ITGA5: variants seen among roughly 807,000 people sequenced by gnomAD.
ITGA5 encodes integrin alpha-5.
In ITGA5, 55 loss-of-function variants were observed where a neutral mutation model predicts 146.3. The observed-to-expected ratio is 0.38, with a 90% CI of 0.30 to 0.47. The LOEUF is 0.47. Ranked by LOEUF, ITGA5 falls within the 20% of genes least tolerant of loss-of-function variation. The pLI is 0.99. For missense variants in ITGA5, 1,131 were observed against 1,329.0 expected (o/e 0.85, Z 2.32); for synonymous variants, 500 against 531.8 (o/e 0.94, Z 0.82).
chr12:54,406,421 C>T (rs1053053506), intron 9 of ITGA5, among the ~76,000 whole-genome samples: 3 of 152,174 alleles, frequency 2.0e-5, no homozygotes, highest in Non-Finnish European at 4.4e-5. Context: ...CCCCACCAGG[C>T]CTCTTGAATC....
rs1313527376 is a variant in ITGA5 at position 54,404,755 on chromosome 12, G to T, written c.1365C>A (p.Phe455Leu). Reference sequence around the variant, plus strand: ...GGCCTCCTCGAAGGGCAGAGCCAAAGAAGTCTGGGGTGTGGCTGGCTGCCC... The same window carrying T: ...GGCCTCCTCGAAGGGCAGAGCCAAATAAGTCTGGGGTGTGGCTGGCTGCCC... ...PLWAASHTPD[F>L]FGSALRGGRD... Residue 455 changes from phenylalanine to leucine, a missense_variant, in exon 13 of 30, where the codon TTC (phenylalanine) becomes TTA (leucine). By Grantham distance (22) the Phe-to-Leu change is conservative. Transcript: ENST00000293379. 3 of 1,614,174 alleles carry T rather than the reference G, an allele frequency of 1.9e-6. No individual in the cohort carries two copies. Among genetic ancestry groups the T allele is most frequent in the Non-Finnish European group, 2.5e-6 (3 of 1,180,014 alleles).
In ITGA5 at chr12:54,404,197, T is replaced by C. The variant is rs144338335; in HGVS notation, c.1513A>G (p.Met505Val). 3.1e-6 allele frequency: 5 copies of C among 1,602,172 alleles called. No individual in the cohort carries two copies. The African/African-American group carries it at 4.0e-5, about 13-fold the overall frequency. Residue 505 changes from methionine (M) to valine (V), a missense_variant, in exon 15 of 30, where the codon ATG becomes GTG. Met to Val is a conservative substitution (Grantham distance 21). Around this residue, in one of 3 missense-constraint regions of ITGA5, gnomAD observed 889 missense variants for 1,021.5 expected, o/e 0.87. Coordinates refer to ENST00000293379, the MANE Select transcript of ITGA5 (RefSeq NM_002205.5). The stretch of plus-strand genomic sequence containing the variant: ...CAGCTCCGCTCCTCTGGGTTGAACA[T>C]GGCGGGGAAGATGGTGAGGGAGGCA... ...ASASLTIFPA[M>V]FNPEERSCSL... is the part of the protein sequence containing the mutation.
At chr12:54,405,604 C>T in intron 11 of ITGA5, 60 bp downstream of exon 11, 2 of 1,444,066 alleles carry the variant, frequency 1.4e-6, no homozygotes, top group Admixed American at 1.8e-5. Flanking sequence ...CTGTCCCATT[C>T]CCACTCTTCC....
intron 2 of ITGA5, among the ~76,000 whole-genome samples, chr12:54,410,432 AC>A (rs1231824772): frequency 5.6e-5 from 8 of 143,460 alleles, no homozygotes; most frequent in Non-Finnish European, 3.0e-5. Context: ...TGCAACCTTG[AC>A]CTCCTGGGTG....
rs778548618 is a variant in ITGA5 at position 54,401,637 on chromosome 12, C to A, written c.2335G>T (p.Val779Leu). Reference protein sequence around the residue: ...SKNLNNSQSDVVSFRLSVEAQ... With the variant: ...SKNLNNSQSDLVSFRLSVEAQ... ...TCCACGGAGAGCCGAAAGGAAACCA[C>A]GTCGCTTTGCGAGTTGTTGAGATTC... Residue 779 changes from valine to leucine, a missense_variant, in exon 23 of 30, where the codon GTG becomes TTG. By Grantham distance (32) the Val-to-Leu change is conservative. Around this residue, in one of 3 missense-constraint regions of ITGA5, gnomAD observed 889 missense variants for 1,021.5 expected, o/e 0.87. Transcript: ENST00000293379. This position sits in a 1 kb window ranked among gnomAD's most constrained non-coding sequence, Gnocchi z 5.0. The A allele has an allele frequency of 6.2e-7, 1 of 1,614,170 alleles. No individual in the cohort carries two copies. Among genetic ancestry groups the A allele is most frequent in the East Asian group, 2.2e-5 (1 of 44,872 alleles).
chr12:54,410,031 ATT>A (rs1307782577), intron 2 of ITGA5, among the ~76,000 whole-genome samples: 1 of 151,740 alleles, frequency 6.6e-6, no homozygotes, highest in African/African-American at 2.4e-5. Flanking sequence ...TAATTTTTGT[ATT>A]TTTAGTAGAG....
Position 54,395,547 on chromosome 12 carries a change from T to C in ITGA5, c.*746A>G, listed in dbSNP as rs1303869627. On this transcript the variant is annotated 3_prime_UTR_variant, in exon 30 of 30. Transcript: ENST00000293379. ...TGGGAAATTCCTGGCTTCTCCTAAA[T>C]CAGGGTGAACTGGGCCTCCAGGATC... 1 of 152,524 alleles carries C rather than the reference T, an allele frequency of 6.6e-6. No homozygotes were observed. The highest frequency in any genetic ancestry group is 6.5e-5 in the Admixed American group (1 of 15,280). The allele number at this position is 152,524 out of a possible 1,614,324, so 9.4% of individuals were successfully genotyped here.
Position 54,401,910 on chromosome 12 carries a change from C to G in ITGA5, c.2227-55G>C, listed in dbSNP as rs1592285758. The G allele has an allele frequency of 2.5e-6, 4 of 1,596,670 alleles. No homozygotes were observed. The highest frequency in any genetic ancestry group is 3.4e-6 in the Non-Finnish European group (4 of 1,164,274). On this transcript the variant is annotated intron_variant, in intron 21 of 29. Coordinates refer to ENST00000293379, the MANE Select transcript of ITGA5 (RefSeq NM_002205.5). This position sits in a 1 kb window ranked among gnomAD's most constrained non-coding sequence, Gnocchi z 5.0. ...AGTTAGACTGTGTATTTCACCCTCC[C>G]TCCGCACCTCACAGCTGTGCTCTCG...
rs781241721 is a variant in ITGA5 at position 54,399,875 on chromosome 12, G to A, written c.2716C>T (p.Pro906Ser). 1.9e-6 allele frequency: 3 copies of A among 1,614,100 alleles called. No homozygotes were observed. Among genetic ancestry groups the A allele is most frequent in the South Asian group, 2.2e-5 (2 of 91,080 alleles). The change falls in exon 26 of 30, where the codon CCT becomes TCT. Residue 906 changes from proline to serine, a missense_variant. Transcript: ENST00000293379. ...CCTGCCTGACTTACCAGGATCTGAG[G>A]TCCCGAGGAAGCAGAGCTGCGGCTT... ...APSRSSASSG[P>S]QILKCPEAEC...
intron 6 of ITGA5, 116 bp downstream of exon 6, chr12:54,408,640 C>A: frequency 2.2e-6 from 2 of 917,806 alleles, no homozygotes; most frequent in East Asian, 2.6e-5. Flanking sequence ...GCAGGAGAAT[C>A]GCTTGAACCT....
rs371051912 is a variant in ITGA5 at position 54,402,161 on chromosome 12, C to T, written c.2133+19G>A. The T allele has an allele frequency of 3.7e-6, 6 of 1,613,110 alleles. No individual in the cohort carries two copies. The African/African-American group carries it at 6.7e-5, about 18-fold the overall frequency. The stretch of plus-strand genomic sequence containing the variant: ...TAGAGGGGTATCCTCCCAAATCCCA[C>T]TCGAGAGTCTCATCTCACCCCTGGG... On this transcript the variant is annotated intron_variant, in intron 20 of 29. Transcript: ENST00000293379.
intron 7 of ITGA5, 90 bp from the exon 8 acceptor site, chr12:54,407,966 G>T: frequency 6.6e-7 from 1 of 1,512,556 alleles, no homozygotes; most frequent in Non-Finnish European, 9.0e-7. Flanking sequence ...CACCCCTACT[G>T]GGCCTTCATA....
intron 2 of ITGA5, among the ~76,000 whole-genome samples, chr12:54,410,215 A>G (rs549996798): frequency 3.5e-4 from 54 of 152,262 alleles, no homozygotes; most frequent in African/African-American, 1.3e-3. Context: ...CAACTGAGAC[A>G]AGGATGCCTG....
chr12:54,410,003 C>T (rs772670204), intron 2 of ITGA5, among the ~76,000 whole-genome samples: 36 of 151,922 alleles, frequency 2.4e-4, no homozygotes, highest in Non-Finnish European at 3.5e-4. Flanking sequence ...ATTACAGGTG[C>T]GCGTCACCAC....
chr12:54,408,502 T>C (rs2120534059), intron 6 of ITGA5, among the ~76,000 whole-genome samples: 1 of 151,248 alleles, frequency 6.6e-6, no homozygotes, highest in South Asian at 2.1e-4. Context: ...CCAAGAGGGG[T>C]GGATCACGAG....
At chr12:54,405,096 C>T in intron 12 of ITGA5, 70 bp downstream of exon 12, 1 of 1,391,442 alleles carries the variant, frequency 7.2e-7, no homozygotes, top group Non-Finnish European at 9.8e-7. Context: ...CTGACAGATG[C>T]CCTCTCCCCA....
intron 15 of ITGA5, 85 bp downstream of exon 15, chr12:54,404,060 A>G (rs1955826839): frequency 6.4e-7 from 1 of 1,563,572 alleles, no homozygotes; most frequent in Non-Finnish European, 8.8e-7. Context: ...CTAGGACACC[A>G]CCATTTTCCC....
At chr12:54,407,416 G>C in intron 9 of ITGA5, 1 of 575,460 alleles carries the variant, frequency 1.7e-6, no homozygotes, top group Non-Finnish European at 3.1e-6. Context: ...AGGTCAGAAC[G>C]ATTGTTATCC....
Position 54,401,278 on chromosome 12 carries a change from T to G in ITGA5, c.2493+95A>C. 1.0e-6 allele frequency: 1 copy of G among 964,048 alleles called. No homozygotes were observed. Among genetic ancestry groups the G allele is most frequent in the Non-Finnish European group, 1.7e-6 (1 of 596,476 alleles). 59.7% of individuals were successfully genotyped at this position (964,048 alleles called of 1,614,324 possible). ...ATCACTTACTCCTCCCTCCTCTCTT[T>G]CTCTCAGTCCCTCACATGGGTTCCA... On this transcript the variant is annotated intron_variant, in intron 24 of 29. Coordinates refer to ENST00000293379, the MANE Select transcript of ITGA5 (RefSeq NM_002205.5). The surrounding 1 kb of genome is among the most constrained non-coding windows in gnomAD (Gnocchi z 5.0).
Sources: allele counts gnomAD v4.1 joint callset (sites outside exome capture counted in the v4.1 genomes callset), GRCh38; gene constraint gnomAD v4.1.1; regional missense constraint gnomAD v4.1.1; non-coding constraint Gnocchi (gnomAD v3.1); transcripts MANE v1.5; gene names NCBI Gene and HGNC (gene_info 2026-07-23, HGNC 2026-07-21).